Variants in GRIK5 observed in about 807,000 individuals in gnomAD.
GRIK5 encodes glutamate receptor ionotropic, kainate 5.
A neutral mutation model predicts 97.4 loss-of-function variants in GRIK5; 43 were observed. The ratio of observed to expected loss-of-function variants is 0.44; its 90% CI spans 0.35 to 0.57. The LOEUF is 0.57. Ranked by LOEUF, GRIK5 falls within the 20% of genes least tolerant of loss-of-function variation. GRIK5 has a pLI of 0.01. For synonymous variants in GRIK5, 580 were observed against 583.5 expected, an observed-to-expected ratio of 0.99 and a Z score of 0.09; for missense variants, 1,015 against 1,382.0, an observed-to-expected ratio of 0.73 and a Z score of 4.21.
Position 42,059,480 on chromosome 19 carries a change from C to G in GRIK5, c.556G>C (p.Glu186Gln). 6.2e-7 allele frequency: 1 copy of G among 1,613,808 alleles called. No individual in the cohort carries two copies. The highest frequency in any genetic ancestry group is 8.5e-7 in the Non-Finnish European group (1 of 1,179,970). Residue 186 changes from glutamate to glutamine, a missense_variant, in exon 6 of 20, where the codon GAG becomes CAG. Physicochemically the swap from Glu to Gln is conservative, Grantham distance 29 (BLOSUM62 2). Around this residue, in one of 5 missense-constraint regions of GRIK5, gnomAD observed 477 missense variants for 701.1 expected, o/e 0.68. Coordinates refer to ENST00000593562, the MANE Select transcript of GRIK5 (RefSeq NM_002088.5). ...TCCAACATCCTCACTGACAGCGTCTCCTTGGAGATGAGGAAGCCACGCACC... is the reference window on the plus strand; with the variant it reads ...TCCAACATCCTCACTGACAGCGTCTGCTTGGAGATGAGGAAGCCACGCACC... ...ELVRGFLISK[E>Q]TLSVRMLDDS...
chr19:42,062,153 GC>G lies in GRIK5; in HGVS notation c.508+334del, dbSNP rs2076267697. Among the ~76,000 whole-genome samples, 1 of 152,158 alleles carries G rather than the reference GC, an allele frequency of 6.6e-6. No individual in the cohort carries two copies. Among genetic ancestry groups the G allele is most frequent in the Non-Finnish European group, 1.5e-5 (1 of 68,026 alleles). On this transcript the variant is annotated intron_variant, in intron 5 of 19. Transcript: ENST00000593562. This position sits in a 1 kb window ranked among gnomAD's most constrained non-coding sequence, Gnocchi z 5.3. ...TACCAGAGGCTCCACGTGCCTCCTG[GC>G]AGCACACATACCACTCTGTATCACA...
Position 42,003,429 on chromosome 19 carries a change from C to A in GRIK5, c.2417G>T (p.Gly806Val). The change falls in exon 19 of 20, where the codon GGC becomes GTC. Residue 806 changes from glycine to valine, a missense_variant. Coordinates refer to ENST00000593562, the MANE Select transcript of GRIK5 (RefSeq NM_002088.5). This position sits in a 1 kb window ranked among gnomAD's most constrained non-coding sequence, Gnocchi z 4.2. ...AKGLGMENIGGIFIVLICGLI... is the reference protein window; with the variant it reads ...AKGLGMENIGVIFIVLICGLI... The stretch of plus-strand genomic sequence containing the variant: ...GCCACAGATGAGCACGATAAAAATG[C>A]CACCAATGTTCTCCATGCCCAAACC... 6.2e-7 allele frequency: 1 copy of A among 1,613,860 alleles called. No homozygotes were observed. Among genetic ancestry groups the A allele is most frequent in the Non-Finnish European group, 8.5e-7 (1 of 1,179,860 alleles).
chr19:42,001,440 G>A (rs1490333658), intron 19 of GRIK5, among the ~76,000 whole-genome samples: 4 of 152,184 alleles, frequency 2.6e-5, no homozygotes, highest in African/African-American at 9.7e-5. Flanking sequence ...TGTTGGCCAT[G>A]CTGGTCTTGA....
At chr19:42,052,584 C>T (rs917850853) in intron 11 of GRIK5, among the ~76,000 whole-genome samples, 2 of 152,232 alleles carry the variant, frequency 1.3e-5, no homozygotes, top group Admixed American at 1.3e-4. Flanking sequence ...CTCTTGTAAC[C>T]CTCTCTGAAT....
rs2075406729 is a variant in GRIK5, at chr19:41,999,356, G to T, written c.2515-57C>A. 1 of 1,322,490 alleles carries T rather than the reference G, an allele frequency of 7.6e-7. No individual in the cohort carries two copies. The allele number at this position is 1,322,490 out of a possible 1,614,324, so 81.9% of individuals were successfully genotyped here. A position where few individuals can be genotyped will look rare whatever the true frequency, so the allele number is the denominator to read the frequency against. ...CGCAGTCCGCCTCCCGCCTCCCCCA[G>T]CCCCTCTCCACATCCCACTCCTCCT... On this transcript the variant is annotated intron_variant, in intron 19 of 19. Coordinates refer to ENST00000593562, the MANE Select transcript of GRIK5 (RefSeq NM_002088.5). This position sits in a 1 kb window ranked among gnomAD's most constrained non-coding sequence, Gnocchi z 5.0.
rs570849447 is a variant in GRIK5 at position 42,049,717 on chromosome 19, C to T, written c.1269+3885G>A. ...TTTGAAACTTCAGTGAGAAGTAACA[C>T]GATTTGTGCACATTTCTGTATGTGT... On this transcript the variant is annotated intron_variant, in intron 11 of 19. Transcript: ENST00000593562. Among the ~76,000 whole-genome samples the T allele has an allele frequency of 7.2e-5, 11 of 152,142 alleles. No individual in the cohort carries two copies. In the South Asian group the frequency reaches 1.9e-3, roughly 26 times the overall value.
chr19:42,033,073 A>G (rs572987496), intron 12 of GRIK5, among the ~76,000 whole-genome samples: 353 of 152,268 alleles, frequency 2.3e-3, no homozygotes, highest in Non-Finnish European at 3.3e-3. Flanking sequence ...TAATCCCAGC[A>G]CTCTGGGAGG....
At position 42,029,260 on chromosome 19, in the gene GRIK5, G is replaced by A. The variant is rs185888630; in HGVS notation, c.1474-6906C>T. On this transcript the variant is annotated intron_variant, in intron 12 of 19. Transcript: ENST00000593562. ...TTTTTGTATTTTTAGTAGAGACGGCGTTTCACCATGTTGGCCAGGATGGTC... is the reference window on the plus strand; with the variant it reads ...TTTTTGTATTTTTAGTAGAGACGGCATTTCACCATGTTGGCCAGGATGGTC... 2.6e-3 allele frequency among the ~76,000 whole-genome samples: 392 copies of A among 151,914 alleles called. 2 individuals carry two copies. The highest frequency in any genetic ancestry group is 4.1e-3 in the Non-Finnish European group (278 of 67,976).
chr19:42,000,666 C>T (rs534988334), intron 19 of GRIK5, among the ~76,000 whole-genome samples: 5 of 152,304 alleles, frequency 3.3e-5, no homozygotes, highest in African/African-American at 9.6e-5. Context: ...CCACCTCCCG[C>T]GTCCACGCCC....
intron 9 of GRIK5, 39 bp downstream of exon 9, chr19:42,054,275 GGTGGCC>G: frequency 6.3e-7 from 1 of 1,577,632 alleles, no homozygotes; most frequent in Non-Finnish European, 8.6e-7. Flanking sequence ...TCCCACCTGA[GGTGGCC>G]GTGTCCTGCC....
At chr19:42,057,579 T>C (rs1052294046) in intron 6 of GRIK5, among the ~76,000 whole-genome samples, 27 of 152,072 alleles carry the variant, frequency 1.8e-4, no homozygotes, top group Admixed American at 1.3e-4. Context: ...GGTCTTGCTA[T>C]GGTCCCAAGC....
intron 15 of GRIK5, among the ~76,000 whole-genome samples, chr19:42,020,609 C>T (rs1338583038): frequency 6.6e-6 from 1 of 152,186 alleles, no homozygotes; most frequent in African/African-American, 2.4e-5. Context: ...GTCATAAAGA[C>T]CTTGCTGATA....
At position 42,042,695 on chromosome 19, in the gene GRIK5, C is replaced by G. The variant is rs770412039; in HGVS notation, c.1330G>C (p.Glu444Gln). Residue 444 changes from glutamate to glutamine, a missense_variant, in exon 12 of 20, where the codon GAG becomes CAG. By Grantham distance (29) the Glu-to-Gln change is conservative. Coordinates refer to ENST00000593562, the MANE Select transcript of GRIK5 (RefSeq NM_002088.5). The surrounding 1 kb of genome is among the most constrained non-coding windows in gnomAD (Gnocchi z 6.9). Reference protein sequence around the residue: ...FQALSGNERFEGFCVDMLREL... With the variant: ...FQALSGNERFQGFCVDMLREL... Reference sequence around the variant, plus strand: ...CGCAGCATGTCCACGCAGAAGCCCTCGAAGCGTTCGTTCCCCGACAGGGCC... The same window carrying G: ...CGCAGCATGTCCACGCAGAAGCCCTGGAAGCGTTCGTTCCCCGACAGGGCC... 1 of 1,613,686 alleles carries G rather than the reference C, an allele frequency of 6.2e-7. No homozygotes were observed. The highest frequency in any genetic ancestry group is 1.1e-5 in the South Asian group (1 of 91,078).
At chr19:42,066,116 G>A (rs2076327975) in intron 1 of GRIK5, among the ~76,000 whole-genome samples, 1 of 152,126 alleles carries the variant, frequency 6.6e-6, no homozygotes, top group Admixed American at 6.5e-5. Flanking sequence ...AGGCGTGCGA[G>A]GTTCTCAGGT....
rs2075716942 is a variant in GRIK5 at position 42,022,737 on chromosome 19, G to T, written c.1474-383C>A. 7.1e-6 allele frequency: 6 copies of T among 846,412 alleles called. No individual in the cohort carries two copies. Among genetic ancestry groups the T allele is most frequent in the Non-Finnish European group, 5.7e-6 (4 of 703,334 alleles). 52.4% of individuals were successfully genotyped at this position (846,412 alleles called of 1,614,324 possible). A position where few individuals can be genotyped will look rare whatever the true frequency, so the allele number is the denominator to read the frequency against. Reference sequence around the variant, plus strand: ...ACTGACAGCACTCGAGATAATACAGGCCCGGACAGAACACAGAGCAGGGAG... The same window carrying T: ...ACTGACAGCACTCGAGATAATACAGTCCCGGACAGAACACAGAGCAGGGAG... On this transcript the variant is annotated intron_variant, in intron 12 of 19. Coordinates refer to ENST00000593562, the MANE Select transcript of GRIK5 (RefSeq NM_002088.5). The surrounding 1 kb of genome is among the most constrained non-coding windows in gnomAD (Gnocchi z 4.2).
At chr19:42,015,095 C>A (rs916887673) in intron 15 of GRIK5, among the ~76,000 whole-genome samples, 1 of 152,100 alleles carries the variant, frequency 6.6e-6, no homozygotes, top group Non-Finnish European at 1.5e-5. Flanking sequence ...GGTCAATTCA[C>A]CTAGAGGACA....
intron 15 of GRIK5, among the ~76,000 whole-genome samples, chr19:42,014,804 C>G (rs2075605805): frequency 6.6e-6 from 1 of 152,184 alleles, no homozygotes; most frequent in African/African-American, 2.4e-5. Flanking sequence ...GCTGTAATCC[C>G]AGCACTTTGG....
At position 42,022,375 on chromosome 19, in the gene GRIK5, C is replaced by T. The variant is rs776083078; in HGVS notation, c.1474-21G>A. 8.1e-6 allele frequency: 13 copies of T among 1,598,662 alleles called. No individual in the cohort carries two copies. The highest frequency in any genetic ancestry group is 1.1e-5 in the Non-Finnish European group (13 of 1,168,002). On this transcript the variant is annotated intron_variant, in intron 12 of 19. Transcript: ENST00000593562. The surrounding 1 kb of genome is among the most constrained non-coding windows in gnomAD (Gnocchi z 4.2). ...GCCTTCTGCTGGAGGGGAAGCCGGG[C>T]AGGGGTGGAGGGGGACAGAGGGGAA...
chr19:42,057,286 T>C (rs74259557), intron 6 of GRIK5, among the ~76,000 whole-genome samples: 19,870 of 151,938 alleles, frequency 0.13, 1,438 homozygotes, highest in Middle Eastern at 0.17. Flanking sequence ...CTCCCAAATG[T>C]CCCCTGTCTC....
Sources: allele counts gnomAD v4.1 joint callset (sites outside exome capture counted in the v4.1 genomes callset), GRCh38; gene constraint gnomAD v4.1.1; regional missense constraint gnomAD v4.1.1; non-coding constraint Gnocchi (gnomAD v3.1); transcripts MANE v1.5; gene names NCBI Gene and HGNC (gene_info 2026-07-23, HGNC 2026-07-21).